The following CLSTN2 variants were observed in gnomAD, a reference collection of about 807,000 sequenced individuals.
CLSTN2 encodes the protein calsyntenin 2, also known as calsyntenin-2.
Under a neutral mutation model 101.2 loss-of-function variants are expected in CLSTN2, and 48 were observed. That is an observed-to-expected ratio of 0.47 (90% CI 0.38 to 0.60). The LOEUF is 0.60. Among genes scored for constraint, CLSTN2 ranks in the 20% least tolerant of loss-of-function variants. CLSTN2 has a pLI of 0.00. For missense variants in CLSTN2, 1,160 were observed against 1,238.2 expected, an observed-to-expected ratio of 0.94 and a Z score of 0.95; for synonymous variants, 481 against 463.6, an observed-to-expected ratio of 1.04 and a Z score of -0.48.
chr3:140,521,190 G>A (rs570451528), intron 8 of CLSTN2, among the ~76,000 whole-genome samples: 15 of 151,962 alleles, frequency 9.9e-5, no homozygotes, highest in East Asian at 7.7e-4. Context: ...GAGGTGTTGC[G>A]GTCATTTGGA....
At chr3:140,534,120 C>T (rs16850427) in intron 9 of CLSTN2, among the ~76,000 whole-genome samples, 8,294 of 152,148 alleles carry the variant, frequency 0.055, 542 homozygotes, top group East Asian at 0.23. Flanking sequence ...TCAGAGGTTG[C>T]GCAGGAATCA....
At chr3:140,551,475 A>G (rs1000716488) in intron 10 of CLSTN2, among the ~76,000 whole-genome samples, 2 of 151,936 alleles carry the variant, frequency 1.3e-5, no homozygotes, top group African/African-American at 2.4e-5. Flanking sequence ...TCTGATTTTC[A>G]TAGCACAATC....
chr3:140,095,799 C>T (rs990892799), intron 1 of CLSTN2, among the ~76,000 whole-genome samples: 3 of 152,146 alleles, frequency 2.0e-5, no homozygotes, highest in African/African-American at 7.2e-5. Context: ...ATCTGTGTCT[C>T]TTTAGTGCTA....
intron 1 of CLSTN2, among the ~76,000 whole-genome samples, chr3:139,955,901 C>A (rs934464971): frequency 1.3e-5 from 2 of 152,154 alleles, no homozygotes; most frequent in African/African-American, 2.4e-5. Flanking sequence ...GGGTTAGACC[C>A]AAAGGCTGGA....
chr3:140,328,850 C>G (rs116132629), intron 2 of CLSTN2, among the ~76,000 whole-genome samples: 1 of 152,176 alleles, frequency 6.6e-6, no homozygotes, highest in Non-Finnish European at 1.5e-5. Context: ...TAAACAGTAC[C>G]TGGCATGCAG....
At chr3:140,488,751 C>G (rs182913658) in intron 8 of CLSTN2, among the ~76,000 whole-genome samples, 1 of 132,910 alleles carries the variant, frequency 7.5e-6, no homozygotes, top group East Asian at 2.3e-4. Context: ...AACTGACAAA[C>G]AGAAAATCAC....
At chr3:140,002,790 G>A (rs375841323) in intron 1 of CLSTN2, among the ~76,000 whole-genome samples, 4 of 152,094 alleles carry the variant, frequency 2.6e-5, no homozygotes, top group African/African-American at 4.8e-5. Flanking sequence ...TGGATATCCC[G>A]CTTTCCTAGC....
At chr3:140,389,422 G>GATA (rs2088088136) in intron 2 of CLSTN2, among the ~76,000 whole-genome samples, 1 of 152,216 alleles carries the variant, frequency 6.6e-6, no homozygotes, top group South Asian at 2.1e-4. Context: ...GTTTGCTGAA[G>GATA]ATAATAGCTT....
At chr3:140,431,256 G>A (rs1289750404) in intron 5 of CLSTN2, among the ~76,000 whole-genome samples, 3 of 152,166 alleles carry the variant, frequency 2.0e-5, no homozygotes, top group Non-Finnish European at 4.4e-5. Flanking sequence ...CTTGAAGACT[G>A]TCCATCTTTC....
At chr3:140,177,760 G>T (rs1008318188) in intron 2 of CLSTN2, among the ~76,000 whole-genome samples, 2 of 152,122 alleles carry the variant, frequency 1.3e-5, no homozygotes, top group African/African-American at 4.8e-5. Context: ...TGCACCAACT[G>T]CACTCTATCC....
At chr3:139,975,865 T>C (rs1440986480) in intron 1 of CLSTN2, among the ~76,000 whole-genome samples, 1 of 152,092 alleles carries the variant, frequency 6.6e-6, no homozygotes, top group Non-Finnish European at 1.5e-5. Context: ...ACAGGCTGCA[T>C]TGGGTTCTTG....
chr3:140,538,908 T>C (rs998345436), intron 9 of CLSTN2, among the ~76,000 whole-genome samples: 1 of 152,222 alleles, frequency 6.6e-6, no homozygotes, highest in Non-Finnish European at 1.5e-5. Context: ...ACAATGCATG[T>C]TCACTTATTA....
intron 2 of CLSTN2, among the ~76,000 whole-genome samples, chr3:140,351,836 G>C (rs1226045496): frequency 6.6e-6 from 1 of 151,242 alleles, no homozygotes; most frequent in Non-Finnish European, 1.5e-5. Context: ...GAAACAGCAA[G>C]TGCAAAGGCA....
At chr3:140,363,026 A>G (rs1358781809) in intron 2 of CLSTN2, among the ~76,000 whole-genome samples, 1 of 152,230 alleles carries the variant, frequency 6.6e-6, no homozygotes, top group Non-Finnish European at 1.5e-5. Context: ...ACAGACTTGT[A>G]CATGAATATT....
intron 2 of CLSTN2, among the ~76,000 whole-genome samples, chr3:140,331,881 AT>A (rs2087386912): frequency 6.6e-6 from 1 of 152,206 alleles, no homozygotes; most frequent in Admixed American, 6.5e-5. Flanking sequence ...CAAGCTCACT[AT>A]GTCTGTTCCC....
chr3:140,419,033 T>A (rs971464161), intron 4 of CLSTN2, among the ~76,000 whole-genome samples: 5 of 135,312 alleles, frequency 3.7e-5, no homozygotes, highest in African/African-American at 1.6e-4. Context: ...GGACCTTTTT[T>A]TAAAAAAAAA....
chr3:140,414,939 T>C (rs1475757614), intron 4 of CLSTN2, among the ~76,000 whole-genome samples: 1 of 151,992 alleles, frequency 6.6e-6, no homozygotes, highest in Non-Finnish European at 1.5e-5. Flanking sequence ...AAAACTATAT[T>C]GCAAAGCTAT....
In CLSTN2 at chr3:140,257,480, G is replaced by A. The variant is rs546448195; in HGVS notation, c.232+81407G>A. Among the ~76,000 whole-genome samples the A allele has an allele frequency of 3.2e-4, 48 of 152,074 alleles. No homozygotes were observed. In the South Asian group the frequency reaches 9.6e-3, roughly 30 times the overall value. ...TGACTATTGTTCAGTTATTTATAGA[G>A]AAGAAAATTTAAATAACCAGTATTT... On this transcript the variant is annotated intron_variant, in intron 2 of 16. Coordinates refer to ENST00000458420, the MANE Select transcript of CLSTN2 (RefSeq NM_022131.3).
At position 140,575,401 on chromosome 3, in the gene CLSTN2, C is replaced by T. The variant is rs994605614; in HGVS notation, c.*9148C>T. 6.6e-6 allele frequency: 1 copy of T among 152,134 alleles called. No homozygotes were observed. The highest frequency in any genetic ancestry group is 2.4e-5 in the African/African-American group (1 of 41,424). 9.4% of individuals were successfully genotyped at this position (152,134 alleles called of 1,614,324 possible). On this transcript the variant is annotated 3_prime_UTR_variant, in exon 17 of 17. Transcript: ENST00000458420. ...GCAAAAAATTATGGGTAAATCTGGC[C>T]ATGTGACCAAAGAGGCAGTCAAATC...
Sources: allele counts gnomAD v4.1 joint callset (sites outside exome capture counted in the v4.1 genomes callset), GRCh38; gene constraint gnomAD v4.1.1; transcripts MANE v1.5; gene names NCBI Gene and HGNC (gene_info 2026-07-23, HGNC 2026-07-21).